DLEU7: variants seen among roughly 807,000 people sequenced by gnomAD.
DLEU7 encodes the protein leukemia-associated protein 7.
DLEU7 carries 17 observed loss-of-function variants against 16.0 expected under a neutral mutation model. The observed-to-expected ratio is 1.06, with a 90% CI of 0.73 to 1.59. The LOEUF is 1.59. Among genes scored for constraint, DLEU7 ranks in the 40% most tolerant of loss-of-function variants. DLEU7 has a pLI of 0.00. For synonymous variants in DLEU7, 113 were observed against 139.8 expected (o/e 0.81, Z 1.35); for missense variants, 308 against 314.9 (o/e 0.98, Z 0.17).
At chr13:50,753,965 C>T (rs1566239434) in intron 1 of DLEU7, among the ~76,000 whole-genome samples, 2 of 152,176 alleles carry the variant, frequency 1.3e-5, no homozygotes, top group Non-Finnish European at 2.9e-5. Context: ...ATTTAATTTC[C>T]ATGTATTTGC....
chr13:50,817,809 T>G (rs1313048325), intron 1 of DLEU7, among the ~76,000 whole-genome samples: 3 of 151,974 alleles, frequency 2.0e-5, no homozygotes, highest in Non-Finnish European at 2.9e-5. Context: ...CCTCAATCAG[T>G]GTAAGGCAGG....
chr13:50,762,200 A>G (rs1336649505), intron 1 of DLEU7, among the ~76,000 whole-genome samples: 2 of 151,536 alleles, frequency 1.3e-5, no homozygotes. Context: ...AAAAAAAAAA[A>G]AAAAAAAAAA....
At chr13:50,770,388 G>C (rs1462421604) in intron 1 of DLEU7, among the ~76,000 whole-genome samples, 1 of 152,130 alleles carries the variant, frequency 6.6e-6, no homozygotes. Context: ...TGCCCATTCA[G>C]TATGATATTG....
chr13:50,719,281 T>C (rs1334519200), intron 1 of DLEU7, among the ~76,000 whole-genome samples: 1 of 152,158 alleles, frequency 6.6e-6, no homozygotes, highest in Non-Finnish European at 1.5e-5. Context: ...TGTTACGTTT[T>C]TGGTGATTTA....
intron 1 of DLEU7, chr13:50,840,074 G>A (rs1877596446): frequency 6.6e-6 from 1 of 152,178 alleles, no homozygotes; most frequent in Admixed American, 6.5e-5. Context: ...GTTCAAGTGA[G>A]TCTTCCTCCT....
chr13:50,836,591 G>A (rs927424784), intron 1 of DLEU7, among the ~76,000 whole-genome samples: 5 of 151,816 alleles, frequency 3.3e-5, no homozygotes, highest in Non-Finnish European at 5.9e-5. Context: ...GGAGAGTGGT[G>A]TGAACCCAGG....
intron 1 of DLEU7, among the ~76,000 whole-genome samples, chr13:50,811,922 C>T: frequency 6.6e-6 from 1 of 151,630 alleles, no homozygotes; most frequent in Non-Finnish European, 1.5e-5. Context: ...TACAAAAAAT[C>T]AGCTGGGCAT....
chr13:50,799,637 G>A (rs1566255189), intron 1 of DLEU7, among the ~76,000 whole-genome samples: 1 of 152,162 alleles, frequency 6.6e-6, no homozygotes, highest in Non-Finnish European at 1.5e-5. Flanking sequence ...TCGGGCACAT[G>A]CAGAAACTTA....
chr13:50,755,177 T>A (rs569690227), intron 1 of DLEU7, among the ~76,000 whole-genome samples: 6 of 152,210 alleles, frequency 3.9e-5, no homozygotes, highest in Non-Finnish European at 8.8e-5. Context: ...TAGGTGATGA[T>A]CTTTTTGTGA....
chr13:50,740,359 C>T (rs558716814), intron 1 of DLEU7, among the ~76,000 whole-genome samples: 25 of 152,298 alleles, frequency 1.6e-4, no homozygotes, highest in African/African-American at 5.3e-4. Flanking sequence ...CAAAGACTTA[C>T]AAACCATAGG....
chr13:50,778,276 A>G (rs1380710644), intron 1 of DLEU7, among the ~76,000 whole-genome samples: 3 of 152,172 alleles, frequency 2.0e-5, no homozygotes, highest in Middle Eastern at 3.2e-3. Flanking sequence ...ATTCACTATC[A>G]CAAAAACAGC....
chr13:50,823,230 T>C lies in DLEU7; in HGVS notation c.*84A>G. On this transcript the variant is annotated 3_prime_UTR_variant, in exon 2 of 2. Transcript: ENST00000504404. ...CCCCTTTGGATATAAAAATATCCAT[T>C]GTCTGCTGACTCAATTAGGAAGGTA... is the stretch of plus-strand genomic sequence containing the variant. 1.3e-6 allele frequency: 2 copies of C among 1,511,992 alleles called. No homozygotes were observed. Among genetic ancestry groups the C allele is most frequent in the South Asian group, 2.5e-5 (2 of 81,214 alleles). The allele number at this position is 1,511,992 out of a possible 1,614,324, so 93.7% of individuals were successfully genotyped here. A position where few individuals can be genotyped will look rare whatever the true frequency, so the allele number is the denominator to read the frequency against.
chr13:50,790,263 G>A (rs1875916671), intron 1 of DLEU7, among the ~76,000 whole-genome samples: 1 of 151,920 alleles, frequency 6.6e-6, no homozygotes, highest in African/African-American at 2.4e-5. Context: ...ATGATTATTT[G>A]TATGTCCATT....
rs200928092 is a variant in DLEU7, at chr13:50,752,052, C to CT, written c.460-38813dup. Among the ~76,000 whole-genome samples the CT allele has an allele frequency of 1.0e-2, 1,355 of 135,696 alleles. 11 individuals carry two copies. Among genetic ancestry groups the CT allele is most frequent in the African/African-American group, 0.024 (884 of 36,382 alleles). 89.0% of individuals were successfully genotyped at this position (135,696 alleles called of 152,430 possible). ...TTGTGTCAGTTTGTGCTCTTTCAGTCTTTTTTTTTTTTTTTTTGAGATGGA... is the reference window on the plus strand; with the variant it reads ...TTGTGTCAGTTTGTGCTCTTTCAGTCTTTTTTTTTTTTTTTTTTGAGATGGA... On this transcript the variant is annotated intron_variant, in intron 1 of 1. Transcript: ENST00000400393.
chr13:50,778,811 T>A (rs1875573853), intron 1 of DLEU7, among the ~76,000 whole-genome samples: 1 of 152,236 alleles, frequency 6.6e-6, no homozygotes, highest in South Asian at 2.1e-4. Flanking sequence ...CTATGAGCCG[T>A]GAATTTAAAT....
rs1467632791 is a variant in DLEU7 at position 50,843,580 on chromosome 13, G to C, written c.67C>G (p.Leu23Val). The stretch of plus-strand genomic sequence containing the variant: ...CCCCAGCCCCACTCCTGCTGCAGCA[G>C]CTGCAAGGTCTGCAGAGCCACCATT... Reference protein sequence around the residue: ...HQMVALQTLQLLQQEWGWGDG... With the variant: ...HQMVALQTLQVLQQEWGWGDG... Residue 23 changes from leucine to valine, a missense_variant, in exon 1 of 2, where the codon CTG (leucine) becomes GTG (valine). By Grantham distance (32) the Leu-to-Val change is conservative. Transcript: ENST00000504404. This position sits in a 1 kb window ranked among gnomAD's most constrained non-coding sequence, Gnocchi z 5.7. The C allele has an allele frequency of 6.7e-6, 10 of 1,498,736 alleles. No individual in the cohort carries two copies. The allele number at this position is 1,498,736 out of a possible 1,614,324, so 92.8% of individuals were successfully genotyped here. A position where few individuals can be genotyped will look rare whatever the true frequency, so the allele number is the denominator to read the frequency against.
At chr13:50,757,748 T>C (rs984556980) in intron 1 of DLEU7, among the ~76,000 whole-genome samples, 1 of 152,194 alleles carries the variant, frequency 6.6e-6, no homozygotes, top group Non-Finnish European at 1.5e-5. Flanking sequence ...TAGGAATTTG[T>C]TATATCTTTT....
chr13:50,748,383 ATACT>A (rs1416939548), intron 1 of DLEU7, among the ~76,000 whole-genome samples: 2 of 152,102 alleles, frequency 1.3e-5, no homozygotes, highest in African/African-American at 2.4e-5. Context: ...TTGGTAAATT[ATACT>A]TTTAAAAATA....
At chr13:50,798,342 T>C (rs1249473622) in intron 1 of DLEU7, among the ~76,000 whole-genome samples, 1 of 152,190 alleles carries the variant, frequency 6.6e-6, no homozygotes, top group Non-Finnish European at 1.5e-5. Flanking sequence ...GTGCAAAAAA[T>C]TAAACTTTTA....
Sources: allele counts gnomAD v4.1 joint callset (sites outside exome capture counted in the v4.1 genomes callset), GRCh38; gene constraint gnomAD v4.1.1; non-coding constraint Gnocchi (gnomAD v3.1); transcripts MANE v1.5; gene names NCBI Gene and HGNC (gene_info 2026-07-23, HGNC 2026-07-21).